EPHB2: variants seen among roughly 807,000 people sequenced by gnomAD.
The protein encoded by EPHB2 is ephrin type-B receptor 2.
EPHB2 carries 18 observed loss-of-function variants against 96.4 expected under a neutral mutation model. The ratio of observed to expected loss-of-function variants is 0.19; its 90% CI spans 0.13 to 0.28. The LOEUF (loss-of-function observed/expected upper bound fraction) is 0.28, where lower values mean the gene tolerates loss of function less well. Among genes scored for constraint, EPHB2 ranks in the 10% least tolerant of loss-of-function variants. EPHB2 has a pLI of 1.00. For missense variants in EPHB2, 989 were observed against 1,355.4 expected (o/e 0.73, Z 4.25); for synonymous variants, 506 against 534.1 (o/e 0.95, Z 0.72).
At chr1:22,775,859 T>C (rs777627093) in intron 1 of EPHB2, among the ~76,000 whole-genome samples, 1 of 152,238 alleles carries the variant, frequency 6.6e-6, no homozygotes, top group Non-Finnish European at 1.5e-5. Flanking sequence ...AGAATCTGTG[T>C]AGCCTCTTTC....
At position 22,864,858 on chromosome 1, in the gene EPHB2, C is replaced by A. The variant is rs748196908; in HGVS notation, c.968-19C>A. The A allele has an allele frequency of 6.4e-7, 1 of 1,570,190 alleles. No individual in the cohort carries two copies. The highest frequency in any genetic ancestry group is 1.7e-5 in the Admixed American group (1 of 58,332). ...ACCCCCTGAGCCCCCCACTGACCAA[C>A]ACCTCTCCCCCGCCCCAGCCATCCC... On this transcript the variant is annotated intron_variant, in intron 4 of 15. Coordinates refer to ENST00000374630, the MANE Select transcript of EPHB2 (RefSeq NM_017449.5).
intron 1 of EPHB2, among the ~76,000 whole-genome samples, chr1:22,725,341 G>A (rs1320598781): frequency 2.6e-5 from 4 of 152,084 alleles, no homozygotes; most frequent in African/African-American, 9.7e-5. Context: ...ATGGTTGGCT[G>A]GCTGGCTGGA....
At chr1:22,903,066 T>G (rs1248036757) in intron 9 of EPHB2, among the ~76,000 whole-genome samples, 1 of 152,188 alleles carries the variant, frequency 6.6e-6, no homozygotes, top group Non-Finnish European at 1.5e-5. Context: ...GAGCTGGAAG[T>G]GAGGCCAATC....
At chr1:22,865,720 T>C (rs1031064205) in intron 5 of EPHB2, among the ~76,000 whole-genome samples, 1 of 152,180 alleles carries the variant, frequency 6.6e-6, no homozygotes, top group Non-Finnish European at 1.5e-5. Flanking sequence ...TCTTTCTCTT[T>C]TGCATGCATT....
At chr1:22,808,605 C>T (rs1176975571) in intron 3 of EPHB2, among the ~76,000 whole-genome samples, 1 of 152,196 alleles carries the variant, frequency 6.6e-6, no homozygotes, top group Non-Finnish European at 1.5e-5. Flanking sequence ...AAATAGTATG[C>T]TTCTGAATGG....
At chr1:22,756,600 T>A (rs1257451747) in intron 1 of EPHB2, among the ~76,000 whole-genome samples, 1 of 151,878 alleles carries the variant, frequency 6.6e-6, no homozygotes, top group Non-Finnish European at 1.5e-5. Flanking sequence ...GCAGCGGGCG[T>A]GTGAGGCAGC....
intron 1 of EPHB2, among the ~76,000 whole-genome samples, chr1:22,745,820 A>C (rs1249468488): frequency 6.6e-6 from 1 of 152,118 alleles, no homozygotes; most frequent in Non-Finnish European, 1.5e-5. Context: ...CTGTGAGCGC[A>C]GCGGGGCCTG....
At chr1:22,883,861 C>T (rs1277469746) in intron 6 of EPHB2, among the ~76,000 whole-genome samples, 1 of 152,206 alleles carries the variant, frequency 6.6e-6, no homozygotes, top group Admixed American at 6.5e-5. Context: ...GGCATCCAGG[C>T]CTGGCACCAA....
At chr1:22,750,655 C>T (rs1224353025) in intron 1 of EPHB2, among the ~76,000 whole-genome samples, 1 of 152,228 alleles carries the variant, frequency 6.6e-6, no homozygotes, top group Non-Finnish European at 1.5e-5. Flanking sequence ...AAGCTCAGAA[C>T]CTGCTAGGGA....
intron 3 of EPHB2, among the ~76,000 whole-genome samples, chr1:22,808,566 A>G (rs184580157): frequency 7.0e-4 from 107 of 152,346 alleles, no homozygotes; most frequent in Non-Finnish European, 4.6e-4. Context: ...GTCAAGTCCA[A>G]TGCTCACATT....
chr1:22,774,883 A>G (rs1644428023), intron 1 of EPHB2, among the ~76,000 whole-genome samples: 1 of 152,274 alleles, frequency 6.6e-6, no homozygotes, highest in Admixed American at 6.5e-5. Context: ...CATCAGAAGA[A>G]CAGGATTCAC....
chr1:22,798,425 CTAGAGGCCT>C (rs1426905331), intron 3 of EPHB2, among the ~76,000 whole-genome samples: 1 of 152,060 alleles, frequency 6.6e-6, no homozygotes, highest in Non-Finnish European at 1.5e-5. Context: ...CCTCTTGGAG[CTAGAGGCCT>C]TAGAGAGCAT....
At chr1:22,869,972 A>G (rs1638606688) in intron 5 of EPHB2, among the ~76,000 whole-genome samples, 1 of 152,184 alleles carries the variant, frequency 6.6e-6, no homozygotes, top group Admixed American at 6.5e-5. Flanking sequence ...GTGAACATTC[A>G]GCGAACATTT....
chr1:22,846,393 G>A lies in EPHB2; in HGVS notation c.812-16644G>A, dbSNP rs1239600425. ...ATTGTGCCACTGCACTCCAGCCTGG[G>A]CCACAGAGTGAGAGTGAGACTCTGT... On this transcript the variant is annotated intron_variant, in intron 3 of 15. Transcript: ENST00000374630. This position sits in a 1 kb window ranked among gnomAD's most constrained non-coding sequence, Gnocchi z 4.3. Among the ~76,000 whole-genome samples, 2 of 150,070 alleles carry A rather than the reference G, an allele frequency of 1.3e-5. No homozygotes were observed. Among genetic ancestry groups the A allele is most frequent in the African/African-American group, 4.9e-5 (2 of 40,622 alleles).
chr1:22,826,449 T>A (rs1645225090), intron 3 of EPHB2, among the ~76,000 whole-genome samples: 1 of 152,242 alleles, frequency 6.6e-6, no homozygotes, highest in Admixed American at 6.5e-5. Context: ...TGTTTAGATT[T>A]GGATGCTGAT....
rs1381097324 is a variant in EPHB2 at position 22,917,164 on chromosome 1, C to A, written c.*3594C>A. ...TTCCCCATCATTTCTAGTTGGTCCC[C>A]ACCCTGCCACCATCTAGGGGCTTCT... On this transcript the variant is annotated 3_prime_UTR_variant, in exon 16 of 16. Transcript: ENST00000374630. 6.6e-6 allele frequency: 1 copy of A among 152,450 alleles called. No individual in the cohort carries two copies. Among genetic ancestry groups the A allele is most frequent in the African/African-American group, 2.4e-5 (1 of 41,444 alleles). The allele number at this position is 152,450 out of a possible 1,614,324, so 9.4% of individuals were successfully genotyped here.
At chr1:22,850,798 A>T (rs1010276750) in intron 3 of EPHB2, among the ~76,000 whole-genome samples, 20 of 152,122 alleles carry the variant, frequency 1.3e-4, no homozygotes, top group African/African-American at 3.6e-4. Flanking sequence ...AACTGATGGA[A>T]CCAGGACTTG....
At chr1:22,753,024 T>C (rs1372504897) in intron 1 of EPHB2, among the ~76,000 whole-genome samples, 2 of 151,942 alleles carry the variant, frequency 1.3e-5, no homozygotes, top group Non-Finnish European at 2.9e-5. Flanking sequence ...CAAGTGATCC[T>C]CCTGTCTTGG....
intron 1 of EPHB2, among the ~76,000 whole-genome samples, chr1:22,762,686 A>C (rs1255390276): frequency 1.3e-5 from 2 of 152,202 alleles, no homozygotes; most frequent in Non-Finnish European, 1.5e-5. Context: ...GATGTGTCAG[A>C]GGACAAAAGG....
Sources: allele counts gnomAD v4.1 joint callset (sites outside exome capture counted in the v4.1 genomes callset), GRCh38; gene constraint gnomAD v4.1.1; non-coding constraint Gnocchi (gnomAD v3.1); transcripts MANE v1.5; gene names NCBI Gene and HGNC (gene_info 2026-07-23, HGNC 2026-07-21).